The following PPM1L variants were observed in gnomAD, a reference collection of about 807,000 sequenced individuals.
PPM1L encodes the protein protein phosphatase 1L.
Under a neutral mutation model 31.4 loss-of-function variants are expected in PPM1L, and 13 were observed. The observed-to-expected ratio is 0.41, with a 90% confidence interval of 0.27 to 0.66. PPM1L has a LOEUF of 0.66. Ranked by LOEUF, PPM1L falls within the 30% of genes least tolerant of loss-of-function variation. The pLI is 0.29. For synonymous variants in PPM1L, 184 were observed against 175.4 expected, an observed-to-expected ratio of 1.05 and a Z score of -0.39; for missense variants, 326 against 453.7, an observed-to-expected ratio of 0.72 and a Z score of 2.56.
chr3:160,799,437 T>TTC (rs1712357885), intron 1 of PPM1L, among the ~76,000 whole-genome samples: 1 of 152,348 alleles, frequency 6.6e-6, no homozygotes, highest in South Asian at 2.1e-4. Context: ...CTCAGTTGAT[T>TTC]ATCAGCATTT....
At chr3:160,906,080 T>G (rs1713745566) in intron 1 of PPM1L, among the ~76,000 whole-genome samples, 1 of 152,064 alleles carries the variant, frequency 6.6e-6, no homozygotes, top group Non-Finnish European at 1.5e-5. Context: ...TTATTATTAT[T>G]TTTTTAGGAA....
intron 1 of PPM1L, among the ~76,000 whole-genome samples, chr3:160,887,573 C>CTTTTTTT (rs58869949): frequency 3.5e-5 from 5 of 142,620 alleles, no homozygotes; most frequent in Non-Finnish European, 4.5e-5. Flanking sequence ...TAATATTCAA[C>CTTTTTTT]TTTTTTTTTT....
intron 1 of PPM1L, among the ~76,000 whole-genome samples, chr3:160,912,413 A>G (rs1714007688): frequency 6.6e-6 from 1 of 152,204 alleles, no homozygotes; most frequent in Non-Finnish European, 1.5e-5. Flanking sequence ...AGAGGAATAA[A>G]TCATGGCATC....
At chr3:160,952,249 G>A (rs1269875433) in intron 1 of PPM1L, among the ~76,000 whole-genome samples, 2 of 152,170 alleles carry the variant, frequency 1.3e-5, no homozygotes, top group African/African-American at 2.4e-5. Flanking sequence ...AAGAGCAGCT[G>A]TCAAAAGTTA....
chr3:161,002,890 GT>G (rs2108053647), intron 2 of PPM1L, among the ~76,000 whole-genome samples: 1 of 144,016 alleles, frequency 6.9e-6, no homozygotes, highest in East Asian at 2.1e-4. Context: ...TGCTTTTGGT[GT>G]TTTAGACATG....
At chr3:160,863,543 C>A (rs1425882685) in intron 1 of PPM1L, among the ~76,000 whole-genome samples, 2 of 152,182 alleles carry the variant, frequency 1.3e-5, no homozygotes, top group African/African-American at 4.8e-5. Context: ...CTCATGAAAG[C>A]TCCAACCCTA....
chr3:160,954,924 T>TTTCCTTCCTTCC (rs796768427), intron 1 of PPM1L, among the ~76,000 whole-genome samples: 45 of 86,012 alleles, frequency 5.2e-4, no homozygotes, highest in South Asian at 1.6e-3. Context: ...TCCTTCCTTC[T>TTTCCTTCCTTCC]TTCCTTCCTT....
At chr3:161,060,907 A>G (rs1405125103) in intron 2 of PPM1L, among the ~76,000 whole-genome samples, 1 of 152,110 alleles carries the variant, frequency 6.6e-6, no homozygotes, top group East Asian at 1.9e-4. Flanking sequence ...TTTGATAAAT[A>G]TAGTGCTATG....
chr3:160,883,758 C>T (rs1260077033), intron 1 of PPM1L, among the ~76,000 whole-genome samples: 1 of 151,648 alleles, frequency 6.6e-6, no homozygotes, highest in Non-Finnish European at 1.5e-5. Context: ...GGTGTAATTC[C>T]CAGCACTGCC....
intron 1 of PPM1L, among the ~76,000 whole-genome samples, chr3:160,855,298 T>C (rs1711649527): frequency 6.6e-6 from 1 of 152,150 alleles, no homozygotes; most frequent in East Asian, 1.9e-4. Context: ...GAAATACTAT[T>C]CTGGACATAG....
chr3:160,869,933 G>A (rs1712242373), intron 1 of PPM1L, among the ~76,000 whole-genome samples: 3 of 152,176 alleles, frequency 2.0e-5, no homozygotes, highest in Admixed American at 6.5e-5. Context: ...TGGCTTGTCC[G>A]TTGTTGCTAG....
intron 1 of PPM1L, among the ~76,000 whole-genome samples, chr3:160,948,622 C>T (rs1715482515): frequency 6.6e-6 from 1 of 152,098 alleles, no homozygotes; most frequent in African/African-American, 2.4e-5. Context: ...CCAGGTGCTC[C>T]CTTGCATTAG....
chr3:161,024,709 A>C (rs1020378740), intron 2 of PPM1L, among the ~76,000 whole-genome samples: 1 of 152,116 alleles, frequency 6.6e-6, no homozygotes, highest in African/African-American at 2.4e-5. Context: ...AAAAAAAAAA[A>C]AAAAAGGAAG....
chr3:160,780,026 CTT>C (rs533052521), intron 1 of PPM1L, among the ~76,000 whole-genome samples: 3 of 145,408 alleles, frequency 2.1e-5, no homozygotes, highest in African/African-American at 2.5e-5. Flanking sequence ...TAAATGCTAG[CTT>C]TTTTTTTTTT....
chr3:160,975,262 T>A (rs1716523971), intron 2 of PPM1L, among the ~76,000 whole-genome samples: 1 of 152,072 alleles, frequency 6.6e-6, no homozygotes, highest in African/African-American at 2.4e-5. Flanking sequence ...ACCATGCTCT[T>A]TTGGTTACTG....
chr3:161,043,650 C>G (rs1718972597), intron 2 of PPM1L, among the ~76,000 whole-genome samples: 1 of 152,208 alleles, frequency 6.6e-6, no homozygotes, highest in East Asian at 1.9e-4. Context: ...TTTCTTAGTC[C>G]CTGAGTCTGT....
intron 2 of PPM1L, among the ~76,000 whole-genome samples, chr3:160,995,545 T>C (rs1412045186): frequency 6.6e-6 from 1 of 152,146 alleles, no homozygotes; most frequent in Admixed American, 6.5e-5. Flanking sequence ...GGTCTCGAAC[T>C]CCTGTCCCCA....
chr3:161,011,387 G>A (rs1435218664), intron 2 of PPM1L, among the ~76,000 whole-genome samples: 2 of 152,072 alleles, frequency 1.3e-5, no homozygotes, highest in Admixed American at 6.6e-5. Flanking sequence ...TCTCTCTTTT[G>A]GTACCAATAC....
At chr3:160,803,675 T>A (rs1712505343) in intron 1 of PPM1L, among the ~76,000 whole-genome samples, 1 of 152,264 alleles carries the variant, frequency 6.6e-6, no homozygotes, top group African/African-American at 2.4e-5. Context: ...TTATTTATTT[T>A]TTGCTAATAA....
Sources: gnomAD v4.1 joint callset for allele counts (sites outside exome capture counted in the v4.1 genomes callset) on GRCh38, gnomAD v4.1.1 for gene constraint, MANE v1.5 for transcripts, NCBI Gene and HGNC (gene_info 2026-07-23, HGNC 2026-07-21) for gene names.